Variants in MED13 observed in about 807,000 individuals in gnomAD.
MED13 encodes mediator complex subunit 13.
MED13 carries 23 observed loss-of-function variants against 225.2 expected under a neutral mutation model. That is an observed-to-expected ratio of 0.10 (90% CI 0.07 to 0.14). The LOEUF is 0.14. MED13 is among the 10% of genes least tolerant of loss of function. The pLI is 1.00. For missense variants in MED13, 2,197 were observed against 2,594.5 expected (o/e 0.85, Z 3.33); for synonymous variants, 942 against 889.2 (o/e 1.06, Z -1.06).
At chr17:62,038,417 CA>C (rs1484901702) in intron 3 of MED13, among the ~76,000 whole-genome samples, 1 of 151,014 alleles carries the variant, frequency 6.6e-6, no homozygotes, top group Non-Finnish European at 1.5e-5. Context: ...TTTCTCATGA[CA>C]AAGCATTTTA....
chr17:62,008,187 T>C (rs1381431381), intron 9 of MED13, among the ~76,000 whole-genome samples: 3 of 150,222 alleles, frequency 2.0e-5, no homozygotes, highest in Admixed American at 1.3e-4. Context: ...GGAGTGGTGG[T>C]GGGCGCCTGT....
intron 12 of MED13, among the ~76,000 whole-genome samples, chr17:61,986,642 T>C (rs1218394120): frequency 2.0e-5 from 3 of 152,254 alleles, no homozygotes; most frequent in Admixed American, 2.0e-4. Context: ...CAATTATGTA[T>C]GTGTTCTCTG....
intron 2 of MED13, among the ~76,000 whole-genome samples, chr17:62,058,969 G>A (rs2081017072): frequency 6.6e-6 from 1 of 152,154 alleles, no homozygotes; most frequent in South Asian, 2.1e-4. Flanking sequence ...CCAAACAAAT[G>A]CTAAGTGACA....
chr17:62,057,840 A>G (rs2081007473), intron 2 of MED13, among the ~76,000 whole-genome samples: 1 of 152,216 alleles, frequency 6.6e-6, no homozygotes, highest in Non-Finnish European at 1.5e-5. Context: ...TTAGTTCACA[A>G]GGTATCAGTT....
intron 9 of MED13, chr17:62,006,253 T>C (rs1319739534): frequency 8.9e-6 from 1 of 112,018 alleles, no homozygotes; most frequent in East Asian, 2.9e-4. Flanking sequence ...GGTGTAGCCC[T>C]GCTCTGCAAG....
chr17:61,957,436 G>A (rs987770770), intron 23 of MED13, among the ~76,000 whole-genome samples: 1 of 151,584 alleles, frequency 6.6e-6, no homozygotes, highest in Non-Finnish European at 1.5e-5. Flanking sequence ...TGCAACCTCC[G>A]CCTCCTGGGT....
chr17:62,064,324 T>C (rs907610579), intron 1 of MED13, among the ~76,000 whole-genome samples: 8 of 152,242 alleles, frequency 5.3e-5, no homozygotes, highest in African/African-American at 1.4e-4. Flanking sequence ...TTACCAGACC[T>C]GGGCTAACCT....
intron 17 of MED13, 61 bp downstream of exon 17, chr17:61,972,666 G>T: frequency 7.2e-7 from 1 of 1,385,890 alleles, no homozygotes; most frequent in Non-Finnish European, 9.8e-7. Context: ...ATTCTAGTTG[G>T]GCACAGAAAT....
At chr17:62,004,716 A>C (rs543742481) in intron 9 of MED13, 1 of 152,222 alleles carries the variant, frequency 6.6e-6, no homozygotes, top group Non-Finnish European at 1.5e-5. Context: ...ATTTAAGCAA[A>C]TAAGTAAGAC....
rs768487773 is a variant in MED13 at position 61,955,757 on chromosome 17, G to C, written c.5705C>G (p.Ser1902Cys). 3.7e-6 allele frequency: 6 copies of C among 1,605,876 alleles called. No individual in the cohort carries two copies. The South Asian group carries it at 6.6e-5, about 18-fold the overall frequency. ...GAGAATGCTAGGGGAGTCTGCAGCA[G>C]ATATACCACACATTCTACACATGTC... ...LKDMCRMCGI[S>C]AADSPSILSA... The change falls in exon 25 of 30, where the codon TCT becomes TGT. Residue 1902 changes from serine (S) to cysteine (C), a missense_variant. Physicochemically the swap from Ser to Cys is moderately radical, Grantham distance 112. Coordinates refer to ENST00000397786, the MANE Select transcript of MED13 (RefSeq NM_005121.3).
chr17:61,983,996 G>T (rs773736978), intron 15 of MED13, among the ~76,000 whole-genome samples, 175 bp downstream of exon 15: 48 of 152,068 alleles, frequency 3.2e-4, no homozygotes, highest in Non-Finnish European at 5.6e-4. Context: ...CCAAAGTATG[G>T]GAATTACAGG....
chr17:62,014,329 T>G (rs1221291437), intron 8 of MED13, among the ~76,000 whole-genome samples: 1 of 150,852 alleles, frequency 6.6e-6, no homozygotes, highest in African/African-American at 2.4e-5. Flanking sequence ...TATATATATA[T>G]ATTTTGAGAC....
chr17:62,019,894 C>T (rs1457881761), intron 8 of MED13, among the ~76,000 whole-genome samples: 1 of 151,838 alleles, frequency 6.6e-6, no homozygotes, highest in Non-Finnish European at 1.5e-5. Flanking sequence ...TAGGCGCCCA[C>T]CACCAAGCCT....
chr17:62,014,256 G>A (rs1167573281), intron 8 of MED13, among the ~76,000 whole-genome samples: 1 of 151,124 alleles, frequency 6.6e-6, no homozygotes, highest in African/African-American at 2.5e-5. Flanking sequence ...CCCCAGATCA[G>A]CACTGAGCAC....
chr17:62,026,564 A>C (rs932088673), intron 8 of MED13, among the ~76,000 whole-genome samples: 1 of 151,980 alleles, frequency 6.6e-6, no homozygotes, highest in African/African-American at 2.4e-5. Context: ...ACTCCTATTC[A>C]AAATAGTATG....
intron 3 of MED13, among the ~76,000 whole-genome samples, chr17:62,042,204 C>A (rs910994568): frequency 1.3e-5 from 2 of 152,142 alleles, no homozygotes; most frequent in African/African-American, 4.8e-5. Context: ...TAACATCTTA[C>A]CTGTGAATCC....
intron 17 of MED13, among the ~76,000 whole-genome samples, chr17:61,970,561 A>G (rs2080097705): frequency 2.0e-5 from 3 of 151,680 alleles, no homozygotes; most frequent in African/African-American, 7.3e-5. Context: ...GCATGCCTGT[A>G]ATCCCAGCTA....
At chr17:62,011,519 A>G (rs1166335385) in intron 8 of MED13, among the ~76,000 whole-genome samples, 2 of 152,236 alleles carry the variant, frequency 1.3e-5, no homozygotes, top group African/African-American at 4.8e-5. Flanking sequence ...ATATTTTAGT[A>G]TCTAATTTAA....
At chr17:61,957,203 C>A (rs1458429732) in intron 23 of MED13, among the ~76,000 whole-genome samples, 1 of 151,740 alleles carries the variant, frequency 6.6e-6, no homozygotes, top group African/African-American at 2.4e-5. Flanking sequence ...CACACCACCA[C>A]GTCTAGCTAA....
Sources: gnomAD v4.1 joint callset for allele counts (sites outside exome capture counted in the v4.1 genomes callset) on GRCh38, gnomAD v4.1.1 for gene constraint, MANE v1.5 for transcripts, NCBI Gene and HGNC (gene_info 2026-07-23, HGNC 2026-07-21) for gene names.